Variants in SCUBE1 observed in about 807,000 individuals in gnomAD.
The protein encoded by SCUBE1 is signal peptide, CUB and EGF-like domain-containing protein 1.
Under a neutral mutation model 124.4 loss-of-function variants are expected in SCUBE1, and 59 were observed. That is an observed-to-expected ratio of 0.47 (90% CI 0.38 to 0.59). SCUBE1 has a LOEUF of 0.59. SCUBE1 is among the 20% of genes least tolerant of loss of function. The pLI, the probability that SCUBE1 is intolerant of heterozygous loss-of-function variation, is 0.00. For synonymous variants in SCUBE1, 545 were observed against 550.9 expected (o/e 0.99, Z 0.15); for missense variants, 1,150 against 1,371.2 (o/e 0.84, Z 2.55).
At chr22:43,249,523 G>A (rs1029091719) in intron 6 of SCUBE1, among the ~76,000 whole-genome samples, 1 of 152,160 alleles carries the variant, frequency 6.6e-6, no homozygotes, top group Non-Finnish European at 1.5e-5. Context: ...GTCTTCCCTG[G>A]CCTCCCAGTT....
intron 6 of SCUBE1, among the ~76,000 whole-genome samples, chr22:43,247,291 G>A (rs1923254451): frequency 1.3e-5 from 2 of 152,226 alleles, no homozygotes; most frequent in African/African-American, 4.8e-5. Context: ...CTCTGTAAAT[G>A]AGAAACTGAA....
intron 9 of SCUBE1, 71 bp downstream of exon 9, chr22:43,229,001 G>A (rs1461843331): frequency 2.8e-6 from 3 of 1,075,190 alleles, no homozygotes; most frequent in African/African-American, 3.1e-5. Flanking sequence ...GATGCGGGGT[G>A]CAGTGTAGGT....
Position 43,290,025 on chromosome 22 carries a change from T to C in SCUBE1, c.484+1021A>G, listed in dbSNP as rs528557304. On this transcript the variant is annotated intron_variant, in intron 4 of 21. Transcript: ENST00000360835. ...GGGCGTGCCTGAACTGGGGCAGTTC[T>C]GGCCTTCTTCCTTACATTTATTCCC... Among the ~76,000 whole-genome samples, 3 of 152,198 alleles carry C rather than the reference T, an allele frequency of 2.0e-5. No individual in the cohort carries two copies. The South Asian group carries it at 6.2e-4, about 31-fold the overall frequency.
At chr22:43,317,700 T>C (rs896284947) in intron 3 of SCUBE1, among the ~76,000 whole-genome samples, 6 of 152,242 alleles carry the variant, frequency 3.9e-5, no homozygotes, top group African/African-American at 1.4e-4. Flanking sequence ...TGACAAGATA[T>C]TGTTCTTCTG....
chr22:43,227,588 T>C, intron 9 of SCUBE1, 92 bp from the exon 10 acceptor site: 3 of 1,514,566 alleles, frequency 2.0e-6, no homozygotes, highest in Non-Finnish European at 2.7e-6. Flanking sequence ...GGCAAGAATC[T>C]CCTGACCCCA....
intron 21 of SCUBE1, among the ~76,000 whole-genome samples, chr22:43,204,837 G>A (rs1601789774): frequency 6.6e-6 from 1 of 151,832 alleles, no homozygotes; most frequent in African/African-American, 2.4e-5. Context: ...CCAGCAACTC[G>A]GGAGGCTGAG....
rs377191005 is a variant in SCUBE1 at position 43,212,752 on chromosome 22, G to T, written c.2054-160C>A. ...ACGGGGTGGGGAAAACGCAGCAGCC[G>T]GGGTGCAGGAAGCTGGGCCCTGGTC... On this transcript the variant is annotated intron_variant, in intron 16 of 21. Coordinates refer to ENST00000360835, the MANE Select transcript of SCUBE1 (RefSeq NM_173050.5). 7.0e-4 allele frequency: 491 copies of T among 699,508 alleles called. 10 individuals carry two copies. The South Asian group carries it at 9.1e-3, about 13-fold the overall frequency. 43.3% of individuals were successfully genotyped at this position (699,508 alleles called of 1,614,324 possible).
intron 3 of SCUBE1, among the ~76,000 whole-genome samples, chr22:43,303,580 G>A (rs1307626017): frequency 1.3e-5 from 2 of 152,220 alleles, no homozygotes; most frequent in East Asian, 3.8e-4. Context: ...GAAGCTTCAC[G>A]GAAAAGGGGG....
chr22:43,233,703 G>A (rs1006070711), intron 7 of SCUBE1: 3 of 152,280 alleles, frequency 2.0e-5, no homozygotes, highest in African/African-American at 7.2e-5. Flanking sequence ...TCTGACCTCA[G>A]GCCGGCCCAT....
chr22:43,281,480 C>CCTCAGCCACCCTCCTGTCA (rs1569010742), intron 4 of SCUBE1, among the ~76,000 whole-genome samples: 1 of 113,342 alleles, frequency 8.8e-6, no homozygotes, highest in Admixed American at 8.1e-5. Flanking sequence ...CCTGTCACCT[C>CCTCAGCCACCCTCCTGTCA]CCTCTTTGGC....
chr22:43,338,960 G>A, intron 2 of SCUBE1, 144 bp downstream of exon 2: 1 of 936,000 alleles, frequency 1.1e-6, no homozygotes, highest in Non-Finnish European at 1.6e-6. Flanking sequence ...CCCTCCTGAG[G>A]CTGAGAGAAG....
intron 3 of SCUBE1, among the ~76,000 whole-genome samples, chr22:43,310,005 T>C (rs1193620588): frequency 1.3e-5 from 2 of 152,142 alleles, no homozygotes; most frequent in Non-Finnish European, 2.9e-5. Flanking sequence ...GCTTTTTAAA[T>C]TAAAATGTCC....
At chr22:43,301,559 C>T (rs1487293185) in intron 3 of SCUBE1, among the ~76,000 whole-genome samples, 2 of 152,176 alleles carry the variant, frequency 1.3e-5, no homozygotes, top group Non-Finnish European at 2.9e-5. Context: ...CAGACCTCAG[C>T]TCACGTGCCG....
intron 2 of SCUBE1, among the ~76,000 whole-genome samples, chr22:43,327,680 G>A (rs939064764): frequency 2.0e-5 from 3 of 152,044 alleles, no homozygotes; most frequent in East Asian, 1.9e-4. Flanking sequence ...CCAGCTACTC[G>A]GGAGGCTGAG....
intron 10 of SCUBE1, among the ~76,000 whole-genome samples, chr22:43,225,189 A>AC (rs146668305): frequency 0.072 from 10,729 of 149,038 alleles, 834 homozygotes; most frequent in African/African-American, 0.2. Context: ...TTATCGCATC[A>AC]CCCCCCCACT....
rs1446201982 is a variant in SCUBE1, at chr22:43,220,546, A to T, written c.1591T>A (p.Ser531Thr). 4 of 1,614,084 alleles carry T rather than the reference A, an allele frequency of 2.5e-6. No homozygotes were observed. The highest frequency in any genetic ancestry group is 3.4e-6 in the Non-Finnish European group (4 of 1,180,020). ...VTFVTLKCDS[S>T]KKRRRGRKSP... ...TTGCGGCCACGGCGCCTCTTCTTGG[A>T]GGAGTCACACTTGAGGGTCACGAAA... The change falls in exon 14 of 22, where the codon TCC (serine) becomes ACC (threonine). Residue 531 changes from serine to threonine, a missense_variant. Coordinates refer to ENST00000360835, the MANE Select transcript of SCUBE1 (RefSeq NM_173050.5).
rs1479850581 is a variant in SCUBE1, at chr22:43,199,373, T to G, written c.*4624A>C. 1 of 152,274 alleles carries G rather than the reference T, an allele frequency of 6.6e-6. No homozygotes were observed. The allele number at this position is 152,274 out of a possible 1,614,324, so 9.4% of individuals were successfully genotyped here. On this transcript the variant is annotated 3_prime_UTR_variant, in exon 22 of 22. Transcript: ENST00000360835. ...CGCTGCCTGCGGATGGTGCGTCTCT[T>G]AAGAACGAGCGTGCATGAAAAGGGG...
chr22:43,223,295 C>T (rs1922177229), intron 10 of SCUBE1, 79 bp from the exon 11 acceptor site: 2 of 1,463,050 alleles, frequency 1.4e-6, no homozygotes. Context: ...CTGGGTATGG[C>T]CTAATGGGGA....
chr22:43,216,416 A>G (rs1363975330), intron 15 of SCUBE1, among the ~76,000 whole-genome samples: 1 of 147,812 alleles, frequency 6.8e-6, no homozygotes, highest in East Asian at 2.2e-4. Flanking sequence ...GCACTTTGGG[A>G]GGCCGAGGTG....
Sources: allele counts gnomAD v4.1 joint callset (sites outside exome capture counted in the v4.1 genomes callset), GRCh38; gene constraint gnomAD v4.1.1; transcripts MANE v1.5; gene names NCBI Gene and HGNC (gene_info 2026-07-23, HGNC 2026-07-21).